The following CCDC146 variants were observed in gnomAD, a reference collection of about 807,000 sequenced individuals.
CCDC146 encodes the protein coiled-coil domain containing 146.
Under a neutral mutation model 119.3 loss-of-function variants are expected in CCDC146, and 92 were observed. The observed-to-expected ratio is 0.77, with a 90% CI of 0.65 to 0.92. The LOEUF is 0.92. CCDC146 is among the 40% of genes least tolerant of loss of function. The probability of loss-of-function intolerance (pLI) is 0.00; values close to 1 mark genes in which losing one functional copy is unlikely to be tolerated. For missense variants in CCDC146, 1,000 were observed against 1,103.0 expected, an observed-to-expected ratio of 0.91 and a Z score of 1.32; for synonymous variants, 372 against 371.8, an observed-to-expected ratio of 1.00 and a Z score of -0.01.
intron 1 of CCDC146, among the ~76,000 whole-genome samples, chr7:77,133,978 T>A (rs1370738470): frequency 1.3e-5 from 2 of 152,156 alleles, no homozygotes; most frequent in African/African-American, 4.8e-5. Flanking sequence ...CGTCCCTTGG[T>A]ATCTGTGGAG....
At chr7:77,256,101 ATGT>A (rs59985150) in intron 5 of CCDC146, among the ~76,000 whole-genome samples, 18,846 of 152,120 alleles carry the variant, frequency 0.12, 3,431 homozygotes, top group African/African-American at 0.4. Flanking sequence ...TTCAAATATA[ATGT>A]TGTGTTTAAT....
intron 2 of CCDC146, among the ~76,000 whole-genome samples, chr7:77,191,732 C>A (rs1280972853): frequency 3.3e-5 from 5 of 151,880 alleles, no homozygotes; most frequent in African/African-American, 7.2e-5. Flanking sequence ...CACGGTGAAA[C>A]CCAGTCTCTA....
intron 3 of CCDC146, among the ~76,000 whole-genome samples, chr7:77,239,316 A>C (rs1792799955): frequency 6.6e-6 from 1 of 152,234 alleles, no homozygotes; most frequent in Non-Finnish European, 1.5e-5. Context: ...GCATACATGA[A>C]AATTGAATTA....
chr7:77,132,568 A>AG (rs111521687), intron 1 of CCDC146, among the ~76,000 whole-genome samples: 10,422 of 142,420 alleles, frequency 0.073, 500 homozygotes, highest in Non-Finnish European at 0.11. Context: ...AAAAAAAAAA[A>AG]AAAGAAAGAA....
intron 9 of CCDC146, 137 bp from the exon 10 acceptor site, chr7:77,273,557 G>A (rs987032229): frequency 3.1e-5 from 13 of 413,626 alleles, no homozygotes; most frequent in African/African-American, 6.3e-5. Context: ...GTCTCACTCT[G>A]TCACCCAGGC....
At chr7:77,123,116 C>CTGTA (rs1790647520) in intron 1 of CCDC146, among the ~76,000 whole-genome samples, 1 of 149,868 alleles carries the variant, frequency 6.7e-6, no homozygotes, top group Non-Finnish European at 1.5e-5. Context: ...GTGTAAAGTA[C>CTGTA]TGTATTTTTA....
intron 2 of CCDC146, among the ~76,000 whole-genome samples, chr7:77,208,224 G>C (rs928316109): frequency 6.6e-6 from 1 of 152,138 alleles, no homozygotes; most frequent in African/African-American, 2.4e-5. Context: ...TTCCAAATTA[G>C]ACCACAAAGG....
chr7:77,199,624 T>A, intron 2 of CCDC146: 1 of 1,613,966 alleles, frequency 6.2e-7, no homozygotes, highest in Non-Finnish European at 8.5e-7. Context: ...GCTTACCTGG[T>A]AGGGGCACTC....
chr7:77,292,985 A>G lies in CCDC146; in HGVS notation c.2449A>G (p.Thr817Ala). 1.9e-6 allele frequency: 3 copies of G among 1,614,060 alleles called. No individual in the cohort carries two copies. In the South Asian group the frequency reaches 3.3e-5, roughly 18 times the overall value. The change falls in exon 18 of 19, where the codon ACT becomes GCT. Residue 817 changes from threonine to alanine, a missense_variant. Physicochemically the swap from Thr to Ala is moderately conservative, Grantham distance 58. Coordinates refer to ENST00000285871, the MANE Select transcript of CCDC146 (RefSeq NM_020879.3). ...CTATCAAAGAAGGATCAAAAATGCA[A>G]CTGAGAAAATGATGGCTCTTGTTGC... ...NGYQRRIKNA[T>A]EKMMALVAEL...
Position 77,273,808 on chromosome 7 carries a change from T to G in CCDC146, c.1269+19T>G. The G allele has an allele frequency of 6.6e-7, 1 of 1,503,910 alleles. No homozygotes were observed. The highest frequency in any genetic ancestry group is 1.1e-5 in the South Asian group (1 of 87,440). 93.2% of individuals were successfully genotyped at this position (1,503,910 alleles called of 1,614,324 possible). Reference sequence around the variant, plus strand: ...CCAACAGGTTAATATCAATGCTCATTTAAGCTTCTATCTAAGAAGCGTTCA... The same window carrying G: ...CCAACAGGTTAATATCAATGCTCATGTAAGCTTCTATCTAAGAAGCGTTCA... On this transcript the variant is annotated intron_variant, in intron 10 of 18. Coordinates refer to ENST00000285871, the MANE Select transcript of CCDC146 (RefSeq NM_020879.3).
intron 16 of CCDC146, 38 bp from the exon 17 acceptor site, chr7:77,287,402 T>C (rs770399651): frequency 4.6e-5 from 69 of 1,487,448 alleles, no homozygotes; most frequent in Admixed American, 1.5e-4. Context: ...CTTAGATGAC[T>C]TTTTTTTTAT....
At chr7:77,145,870 G>A (rs1562814880) in intron 1 of CCDC146, among the ~76,000 whole-genome samples, 2 of 152,092 alleles carry the variant, frequency 1.3e-5, no homozygotes, top group African/African-American at 4.8e-5. Flanking sequence ...AGTGTGATGT[G>A]GTGCTGAGAA....
At chr7:77,228,041 C>T (rs1198891111) in intron 2 of CCDC146, among the ~76,000 whole-genome samples, 1 of 152,218 alleles carries the variant, frequency 6.6e-6, no homozygotes, top group East Asian at 1.9e-4. Flanking sequence ...TGTACCAGAC[C>T]TGAAATCAAC....
At chr7:77,237,230 A>G (rs886966450) in intron 3 of CCDC146, among the ~76,000 whole-genome samples, 2 of 152,170 alleles carry the variant, frequency 1.3e-5, no homozygotes, top group African/African-American at 2.4e-5. Context: ...AGCCTTGATC[A>G]GGCCGTGTAC....
chr7:77,147,712 C>G (rs1431892119), intron 1 of CCDC146, among the ~76,000 whole-genome samples: 2 of 152,232 alleles, frequency 1.3e-5, no homozygotes, highest in Non-Finnish European at 2.9e-5. Flanking sequence ...CCAGCAGAGG[C>G]TGCAGAACAG....
intron 2 of CCDC146, among the ~76,000 whole-genome samples, chr7:77,189,976 A>G (rs2150423199): frequency 6.6e-6 from 1 of 152,222 alleles, no homozygotes. Flanking sequence ...TCTGATAAAT[A>G]TTTACCATAT....
At chr7:77,127,326 A>T (rs749191678) in intron 1 of CCDC146, among the ~76,000 whole-genome samples, 21 of 152,040 alleles carry the variant, frequency 1.4e-4, no homozygotes, top group Non-Finnish European at 2.8e-4. Context: ...GGAGGCTCAG[A>T]TCTACAGCTG....
chr7:77,148,231 G>A (rs896042602), intron 1 of CCDC146, among the ~76,000 whole-genome samples: 3 of 152,156 alleles, frequency 2.0e-5, no homozygotes, highest in Non-Finnish European at 4.4e-5. Flanking sequence ...ATAATCTCCT[G>A]GTGTGCCGTT....
chr7:77,161,172 C>T (rs1168264315), intron 1 of CCDC146, among the ~76,000 whole-genome samples: 1 of 152,148 alleles, frequency 6.6e-6, no homozygotes, highest in Non-Finnish European at 1.5e-5. Context: ...AATAGGAACA[C>T]TTTTACACTG....
Sources: allele counts gnomAD v4.1 joint callset (sites outside exome capture counted in the v4.1 genomes callset), GRCh38; gene constraint gnomAD v4.1.1; transcripts MANE v1.5; gene names NCBI Gene and HGNC (gene_info 2026-07-23, HGNC 2026-07-21).